Variants in ZRSR2 observed in about 807,000 individuals in gnomAD.
The protein encoded by ZRSR2 is U2 small nuclear ribonucleoprotein auxiliary factor 35 kDa subunit-related protein 2.
In ZRSR2, 3 loss-of-function variants were observed where a neutral mutation model predicts 39.4. That is an observed-to-expected ratio of 0.08 (90% CI 0.03 to 0.20). ZRSR2 has a LOEUF of 0.20. Among genes scored for constraint, ZRSR2 ranks in the 10% least tolerant of loss-of-function variants. The probability of loss-of-function intolerance (pLI) is 1.00; values close to 1 mark genes in which losing one functional copy is unlikely to be tolerated. For synonymous variants in ZRSR2, 137 were observed against 136.0 expected (o/e 1.01, Z -0.05); for missense variants, 256 against 391.5 (o/e 0.65, Z 2.92).
intron 3 of ZRSR2, among the ~76,000 whole-genome samples, chrX:15,802,914 G>T (rs1932717032): frequency 9.0e-6 from 1 of 110,702 alleles, no homozygotes; most frequent in African/African-American, 3.3e-5. Context: ...TAGTCCAAAG[G>T]TTTATGGCAA....
chrX:15,818,947 T>C (rs1300416499), intron 9 of ZRSR2, among the ~76,000 whole-genome samples: 1 of 107,244 alleles, frequency 9.3e-6, no homozygotes, highest in East Asian at 3.0e-4. Flanking sequence ...ATTTTTTGTA[T>C]TTTTAGTAGA....
At chrX:15,793,976 T>A (rs1461276150) in intron 2 of ZRSR2, among the ~76,000 whole-genome samples, 3 of 112,734 alleles carry the variant, frequency 2.7e-5, no homozygotes, top group Non-Finnish European at 5.6e-5. Flanking sequence ...TAGTGAGCTC[T>A]TAATTACAGA....
At chrX:15,791,277 A>G (rs1348971979) in intron 2 of ZRSR2, among the ~76,000 whole-genome samples, 1 of 112,234 alleles carries the variant, frequency 8.9e-6, no homozygotes, top group East Asian at 2.8e-4. Context: ...TGCAAGCTTC[A>G]TGAATTACAG....
chrX:15,791,607 C>CT (rs1351450550), intron 2 of ZRSR2, among the ~76,000 whole-genome samples: 1 of 107,882 alleles, frequency 9.3e-6, no homozygotes, highest in East Asian at 2.9e-4. Flanking sequence ...GTAGCTGGGA[C>CT]TACAGGCATT....
At chrX:15,821,233 A>G (rs1052188972) in intron 10 of ZRSR2, among the ~76,000 whole-genome samples, 1 of 110,932 alleles carries the variant, frequency 9.0e-6, no homozygotes, top group African/African-American at 3.3e-5. Flanking sequence ...CGCTCCATAA[A>G]GGCAGTTACT....
intron 2 of ZRSR2, among the ~76,000 whole-genome samples, chrX:15,796,611 A>G (rs975075778): frequency 1.8e-5 from 2 of 110,816 alleles, no homozygotes; most frequent in Non-Finnish European, 3.8e-5. Flanking sequence ...TCAACTGTGA[A>G]TGTGCCATAT....
At chrX:15,791,162 C>T in intron 2 of ZRSR2, 149 bp downstream of exon 2, 1 of 491,840 alleles carries the variant, frequency 2.0e-6, no homozygotes, top group Non-Finnish European at 3.5e-6. Context: ...TATTTAGAAA[C>T]ACATGTCAGA....
chrX:15,818,710 TG>T, intron 9 of ZRSR2, 68 bp downstream of exon 9: 1 of 894,921 alleles, frequency 1.1e-6, no homozygotes, highest in Non-Finnish European at 1.6e-6. Flanking sequence ...TGTTGATGTC[TG>T]GGATTTTTCC....
At chrX:15,796,787 T>G (rs1479308086) in intron 2 of ZRSR2, among the ~76,000 whole-genome samples, 1 of 74,125 alleles carries the variant, frequency 1.3e-5, no homozygotes, top group Non-Finnish European at 2.6e-5. Flanking sequence ...TCAAATCGTT[T>G]TTTTTTTTTT....
intron 5 of ZRSR2, 48 bp downstream of exon 5, chrX:15,804,245 C>CA (rs1367294130): frequency 2.7e-6 from 3 of 1,120,732 alleles, no homozygotes; most frequent in Non-Finnish European, 2.3e-6. Flanking sequence ...GAAGAATAAT[C>CA]AGTAGGCATG....
intron 2 of ZRSR2, among the ~76,000 whole-genome samples, chrX:15,795,120 G>A (rs79523084): frequency 3.3e-5 from 3 of 90,000 alleles, no homozygotes; most frequent in Middle Eastern, 8.8e-3. Context: ...TCTCTTTCAC[G>A]ATTTCCTTGA....
chrX:15,814,039 A>G (rs1280735714), intron 7 of ZRSR2, among the ~76,000 whole-genome samples: 9 of 100,265 alleles, frequency 9.0e-5, no homozygotes, highest in African/African-American at 3.4e-4. Context: ...CTATTCTTCA[A>G]CTTTCTTTCT....
At chrX:15,795,934 A>C (rs898552611) in intron 2 of ZRSR2, among the ~76,000 whole-genome samples, 18 of 112,239 alleles carry the variant, frequency 1.6e-4, no homozygotes, top group African/African-American at 4.5e-4. Context: ...CAGCCTGGCC[A>C]ACATGGTGAA....
At position 15,823,049 on chromosome X, in the gene ZRSR2, A is replaced by G; in HGVS notation, c.1256A>G (p.Asn419Ser). The change falls in exon 11 of 11, where the codon AAT (asparagine) becomes AGT (serine). Residue 419 changes from asparagine to serine, a missense_variant. Asn to Ser is a conservative substitution (Grantham distance 46). Transcript: ENST00000307771. ...ACATCAAAGAGTCGGGAGAGGCACA[A>G]TTCACGAAGCAGAGGAAGAAATAGG... ...KRTSKSRERH[N>S]SRSRGRNRDR... 5.0e-6 allele frequency: 6 copies of G among 1,211,862 alleles called. No individual in the cohort carries two copies. The highest frequency in any genetic ancestry group is 6.7e-6 in the Non-Finnish European group (6 of 895,459).
At chrX:15,811,965 T>C (rs973557973) in intron 7 of ZRSR2, among the ~76,000 whole-genome samples, 1 of 111,584 alleles carries the variant, frequency 9.0e-6, no homozygotes, top group Non-Finnish European at 1.9e-5. Context: ...AGTCTCGCTC[T>C]GTCGCCCAGG....
At chrX:15,790,719 C>A in intron 1 of ZRSR2, 183 bp downstream of exon 1, 1 of 674,206 alleles carries the variant, frequency 1.5e-6, no homozygotes. Flanking sequence ...CTCAGGCAAG[C>A]GAGGAGAGGA....
Position 15,799,892 on chromosome X carries a change from G to A in ZRSR2, c.142G>A (p.Glu48Lys), listed in dbSNP as rs777454064. The A allele has an allele frequency of 4.6e-5, 55 of 1,200,045 alleles. 1 individual carries two copies. Among genetic ancestry groups the A allele is most frequent in the Non-Finnish European group, 6.1e-5 (54 of 887,883 alleles). Residue 48 changes from glutamate to lysine, a missense_variant, in exon 3 of 11, where the codon GAG becomes AAG. Coordinates refer to ENST00000307771, the MANE Select transcript of ZRSR2 (RefSeq NM_005089.4). Reference sequence around the variant, plus strand: ...CCTAGGACTCTCACAGAAGGAGGAAGAGGAGGACACTTTTATTGAAGAACA... The same window carrying A: ...CCTAGGACTCTCACAGAAGGAGGAAAAGGAGGACACTTTTATTGAAGAACA... ...RDSGLSQKEE[E>K]EDTFIEEQQL...
At chrX:15,822,315 C>G (rs926368073) in intron 10 of ZRSR2, among the ~76,000 whole-genome samples, 1 of 110,250 alleles carries the variant, frequency 9.1e-6, no homozygotes, top group African/African-American at 3.3e-5. Context: ...ACCAGTGGTT[C>G]TGGCCTGTTT....
intron 10 of ZRSR2, among the ~76,000 whole-genome samples, chrX:15,821,267 T>C (rs1333963664): frequency 9.1e-6 from 1 of 109,859 alleles, no homozygotes; most frequent in African/African-American, 3.3e-5. Context: ...GGGAATCCAG[T>C]GTGAGTTCAG....
Sources: allele counts gnomAD v4.1 joint callset (sites outside exome capture counted in the v4.1 genomes callset), GRCh38; gene constraint gnomAD v4.1.1; transcripts MANE v1.5; gene names NCBI Gene and HGNC (gene_info 2026-07-23, HGNC 2026-07-21).